Variants in CTNNA2 observed in about 807,000 individuals in gnomAD.
CTNNA2 encodes the protein catenin alpha-2.
In CTNNA2, 42 loss-of-function variants were observed where a neutral mutation model predicts 101.0. The observed-to-expected ratio is 0.42, with a 90% CI of 0.32 to 0.54. The LOEUF is 0.54. Among genes scored for constraint, CTNNA2 ranks in the 20% least tolerant of loss-of-function variants. The pLI, the probability that CTNNA2 is intolerant of heterozygous loss-of-function variation, is 0.14. For synonymous variants in CTNNA2, 450 were observed against 456.4 expected (o/e 0.99, Z 0.18); for missense variants, 871 against 1,223.1 (o/e 0.71, Z 4.29).
At chr2:79,422,851 G>C (rs985617628) in intron 4 of CTNNA2, among the ~76,000 whole-genome samples, 6 of 152,204 alleles carry the variant, frequency 3.9e-5, no homozygotes, top group Non-Finnish European at 7.3e-5. Context: ...ATTTAACAAT[G>C]TAGGAAGAAG....
intron 12 of CTNNA2, among the ~76,000 whole-genome samples, chr2:80,567,294 TGTTC>T (rs1459004585): frequency 6.6e-6 from 1 of 152,226 alleles, no homozygotes; most frequent in East Asian, 1.9e-4. Context: ...ATTTGTCATC[TGTTC>T]TTAAGTGGAA....
chr2:79,418,025 C>T (rs12990120), intron 4 of CTNNA2, among the ~76,000 whole-genome samples: 3 of 151,720 alleles, frequency 2.0e-5, no homozygotes, highest in Admixed American at 6.6e-5. Flanking sequence ...GAGGGGTAGG[C>T]GGATAGGGTA....
intron 7 of CTNNA2, among the ~76,000 whole-genome samples, chr2:80,018,452 A>T (rs1451008894): frequency 6.6e-6 from 1 of 152,020 alleles, no homozygotes; most frequent in Non-Finnish European, 1.5e-5. Flanking sequence ...TGGCGGGAGT[A>T]TTTACACAAA....
intron 7 of CTNNA2, among the ~76,000 whole-genome samples, chr2:79,949,959 A>T (rs1048203924): frequency 6.6e-6 from 1 of 152,186 alleles, no homozygotes; most frequent in African/African-American, 2.4e-5. Flanking sequence ...CGTTTATAGA[A>T]ATCTTTCCAG....
At chr2:79,259,258 G>A (rs887822314) in intron 2 of CTNNA2, among the ~76,000 whole-genome samples, 1 of 152,134 alleles carries the variant, frequency 6.6e-6, no homozygotes, top group Non-Finnish European at 1.5e-5. Flanking sequence ...GAGCAGATGA[G>A]GGGGCATATC....
intron 9 of CTNNA2, among the ~76,000 whole-genome samples, chr2:80,438,154 ATGCCAT>A: frequency 6.6e-6 from 1 of 152,184 alleles, no homozygotes; most frequent in South Asian, 2.1e-4. Flanking sequence ...TGGCTTACAG[ATGCCAT>A]CTCACGGCGC....
chr2:79,408,060 G>T (rs1328494476), intron 4 of CTNNA2, among the ~76,000 whole-genome samples: 1 of 151,882 alleles, frequency 6.6e-6, no homozygotes, highest in Middle Eastern at 3.2e-3. Context: ...CTCAGACTTG[G>T]AACTATTCAG....
intron 1 of CTNNA2, among the ~76,000 whole-genome samples, chr2:79,186,107 G>A (rs990086982): frequency 6.6e-6 from 1 of 152,152 alleles, no homozygotes; most frequent in African/African-American, 2.4e-5. Flanking sequence ...CAGCTGTTTA[G>A]ACTAAGGCTA....
At chr2:80,404,154 T>C (rs558041749) in intron 8 of CTNNA2, among the ~76,000 whole-genome samples, 1 of 152,270 alleles carries the variant, frequency 6.6e-6, no homozygotes, top group South Asian at 2.1e-4. Flanking sequence ...CAGGAATTTA[T>C]CCATTTCTTC....
At chr2:80,520,171 T>G (rs1340654488) in intron 9 of CTNNA2, among the ~76,000 whole-genome samples, 1 of 152,028 alleles carries the variant, frequency 6.6e-6, no homozygotes. Flanking sequence ...GGTGTGTGTT[T>G]CTAAGCAGCT....
intron 2 of CTNNA2, among the ~76,000 whole-genome samples, chr2:79,226,200 T>G (rs1031894989): frequency 2.0e-5 from 3 of 152,192 alleles, no homozygotes; most frequent in Non-Finnish European, 4.4e-5. Flanking sequence ...TGCAAGCTAT[T>G]TTTCCTTGAA....
chr2:80,340,528 A>C (rs901974937), intron 7 of CTNNA2, among the ~76,000 whole-genome samples: 3 of 152,186 alleles, frequency 2.0e-5, no homozygotes, highest in African/African-American at 7.2e-5. Context: ...TTCCCATTTT[A>C]TCTCTCATGA....
rs567989182 is a variant in CTNNA2 at position 79,391,709 on chromosome 2, C to T, written c.-135+17696C>T. On this transcript the variant is annotated intron_variant, in intron 4 of 21. Transcript: ENST00000466387. ...GACAAATAACTTGCCCAACATTGTACAGTGATGGAGTTCAACAGGTGGATT... is the reference window on the plus strand; with the variant it reads ...GACAAATAACTTGCCCAACATTGTATAGTGATGGAGTTCAACAGGTGGATT... Among the ~76,000 whole-genome samples, 13 of 152,254 alleles carry T rather than the reference C, an allele frequency of 8.5e-5. No homozygotes were observed. In the East Asian group the frequency reaches 2.1e-3, roughly 25 times the overall value.
intron 7 of CTNNA2, among the ~76,000 whole-genome samples, chr2:80,167,518 T>A (rs1704781728): frequency 1.3e-5 from 2 of 152,210 alleles, no homozygotes; most frequent in South Asian, 4.1e-4. Context: ...ACATCATACA[T>A]TCTTGGGCAA....
In CTNNA2 at chr2:80,303,508, C is replaced by T; in HGVS notation, c.1057-89703C>T. 6.2e-7 allele frequency: 1 copy of T among 1,614,258 alleles called. No individual in the cohort carries two copies. ...GCAGTTTCTGAAAGGCGTCCCCCTG[C>T]ACGGAGCAGATGTGATTGTGATCCA... On this transcript the variant is annotated intron_variant, in intron 7 of 18. Coordinates refer to ENST00000402739, the MANE Select transcript of CTNNA2 (RefSeq NM_001282597.3). The surrounding 1 kb of genome is among the most constrained non-coding windows in gnomAD (Gnocchi z 7.7).
At chr2:80,547,306 C>T (rs1466572199) in intron 11 of CTNNA2, among the ~76,000 whole-genome samples, 6 of 152,102 alleles carry the variant, frequency 3.9e-5, no homozygotes, top group Non-Finnish European at 8.8e-5. Context: ...TTACTCTCTG[C>T]TGCTTGATTT....
intron 2 of CTNNA2, among the ~76,000 whole-genome samples, chr2:79,253,312 C>G (rs1237578407): frequency 6.6e-6 from 1 of 152,106 alleles, no homozygotes; most frequent in Non-Finnish European, 1.5e-5. Flanking sequence ...GAAATGAGCT[C>G]TGAATACATT....
At chr2:80,252,726 G>C (rs535114446) in intron 7 of CTNNA2, among the ~76,000 whole-genome samples, 1 of 152,238 alleles carries the variant, frequency 6.6e-6, no homozygotes, top group Non-Finnish European at 1.5e-5. Flanking sequence ...ACCATGACTA[G>C]TGGTTGACTG....
chr2:79,257,105 A>G (rs1325701256), intron 2 of CTNNA2, among the ~76,000 whole-genome samples: 1 of 152,192 alleles, frequency 6.6e-6, no homozygotes, highest in Non-Finnish European at 1.5e-5. Context: ...AGCCGCTGAT[A>G]CGTGGACGTT....
Sources: allele counts gnomAD v4.1 joint callset (sites outside exome capture counted in the v4.1 genomes callset), GRCh38; gene constraint gnomAD v4.1.1; non-coding constraint Gnocchi (gnomAD v3.1); transcripts MANE v1.5; gene names NCBI Gene and HGNC (gene_info 2026-07-23, HGNC 2026-07-21).